Variants in ELP4 observed in about 807,000 individuals in gnomAD.
ELP4 encodes elongator complex protein 4.
In ELP4, 51 loss-of-function variants were observed where a neutral mutation model predicts 48.9. The observed-to-expected ratio is 1.04, with a 90% CI of 0.83 to 1.32. The LOEUF (loss-of-function observed/expected upper bound fraction) is 1.32, where lower values mean the gene tolerates loss of function less well. Ranked by LOEUF, ELP4 falls within the 40% of genes most tolerant of loss-of-function variation. ELP4 has a pLI of 0.00. For synonymous variants in ELP4, 210 were observed against 189.2 expected (o/e 1.11, Z -0.90); for missense variants, 519 against 514.6 (o/e 1.01, Z -0.08).
chr11:31,560,559 G>A (rs1208708192), intron 3 of ELP4, among the ~76,000 whole-genome samples: 2 of 151,234 alleles, frequency 1.3e-5, no homozygotes, highest in Non-Finnish European at 3.0e-5. Context: ...ATTTACTAAA[G>A]GGCATTACTA....
At chr11:31,526,973 A>G (rs1956305094) in intron 2 of ELP4, among the ~76,000 whole-genome samples, 1 of 151,886 alleles carries the variant, frequency 6.6e-6, no homozygotes, top group Non-Finnish European at 1.5e-5. Context: ...CTGTACTTAC[A>G]TGTTTTATAA....
intron 9 of ELP4, among the ~76,000 whole-genome samples, chr11:31,693,421 G>A (rs1201716844): frequency 6.6e-6 from 1 of 151,266 alleles, no homozygotes; most frequent in Non-Finnish European, 1.5e-5. Flanking sequence ...TTGGTTTTTT[G>A]TCCTTGCAAT....
chr11:31,650,042 T>C, intron 8 of ELP4, 73 bp from the exon 9 acceptor site: 1 of 661,548 alleles, frequency 1.5e-6, no homozygotes, highest in African/African-American at 1.9e-5. Flanking sequence ...AGGATTCTGC[T>C]ATAAGACTGT....
intron 7 of ELP4, among the ~76,000 whole-genome samples, chr11:31,640,706 A>T (rs368789386): frequency 6.6e-6 from 1 of 152,026 alleles, no homozygotes; most frequent in Non-Finnish European, 1.5e-5. Context: ...TAGAATTAAT[A>T]TTTAATTAGA....
At chr11:31,704,567 C>T (rs187022546) in intron 9 of ELP4, among the ~76,000 whole-genome samples, 152 of 151,924 alleles carry the variant, frequency 1.0e-3, no homozygotes, top group African/African-American at 3.6e-3. Context: ...AGCACACCAA[C>T]GTGGCACATG....
At chr11:31,682,684 G>A (rs1946078462) in intron 9 of ELP4, among the ~76,000 whole-genome samples, 2 of 152,008 alleles carry the variant, frequency 1.3e-5, no homozygotes, top group Non-Finnish European at 2.9e-5. Context: ...TACCCATAAA[G>A]AGCTCATAGT....
chr11:31,604,826 T>TAG (rs1445917154), intron 5 of ELP4, among the ~76,000 whole-genome samples: 2 of 151,926 alleles, frequency 1.3e-5, no homozygotes, highest in African/African-American at 4.8e-5. Flanking sequence ...AATCTATGGA[T>TAG]AGAGACTTAG....
At chr11:31,527,509 G>A (rs1956316327) in intron 2 of ELP4, among the ~76,000 whole-genome samples, 1 of 152,000 alleles carries the variant, frequency 6.6e-6, no homozygotes, top group Admixed American at 6.6e-5. Flanking sequence ...TATGGACTCT[G>A]GATTATTGAA....
chr11:31,782,563 A>G (rs968413591), intron 9 of ELP4, among the ~76,000 whole-genome samples: 1 of 152,196 alleles, frequency 6.6e-6, no homozygotes, highest in African/African-American at 2.4e-5. Flanking sequence ...TCTTTTGAAA[A>G]CAGAAAAATG....
intron 7 of ELP4, among the ~76,000 whole-genome samples, chr11:31,639,108 A>G (rs971865712): frequency 6.6e-6 from 1 of 151,876 alleles, no homozygotes; most frequent in African/African-American, 2.4e-5. Flanking sequence ...GATCATAGCT[A>G]CAGTTACTAA....
intron 3 of ELP4, 46 bp downstream of exon 3, chr11:31,539,829 A>G (rs752142265): frequency 4.0e-6 from 6 of 1,510,686 alleles, no homozygotes; most frequent in African/African-American, 2.8e-5. Context: ...TGTTTCATGA[A>G]AAAATATTGT....
intron 9 of ELP4, among the ~76,000 whole-genome samples, chr11:31,760,908 G>C (rs1947931724): frequency 6.6e-6 from 1 of 152,152 alleles, no homozygotes; most frequent in Non-Finnish European, 1.5e-5. Flanking sequence ...CAAAAAGTTA[G>C]GCTTAGGATG....
chr11:31,631,611 G>T (rs1172479799), intron 6 of ELP4, among the ~76,000 whole-genome samples: 2 of 152,076 alleles, frequency 1.3e-5, no homozygotes, highest in East Asian at 1.9e-4. Flanking sequence ...GTCACTTATT[G>T]TGACCTTACT....
chr11:31,531,830 G>T (rs991093191), intron 2 of ELP4, among the ~76,000 whole-genome samples: 1 of 152,130 alleles, frequency 6.6e-6, no homozygotes, highest in African/African-American at 2.4e-5. Flanking sequence ...TTGGAGGGAG[G>T]AGTAAGGTTA....
At chr11:31,660,771 C>G (rs1209039196) in intron 9 of ELP4, among the ~76,000 whole-genome samples, 1 of 151,830 alleles carries the variant, frequency 6.6e-6, no homozygotes, top group African/African-American at 2.4e-5. Flanking sequence ...TACAGTCTAT[C>G]TTTTCTGCAT....
intron 3 of ELP4, among the ~76,000 whole-genome samples, chr11:31,593,300 T>C (rs1957617635): frequency 6.6e-6 from 1 of 152,000 alleles, no homozygotes; most frequent in African/African-American, 2.4e-5. Flanking sequence ...TCACCCAGGC[T>C]GGAGTGCAGT....
intron 7 of ELP4, 86 bp from the exon 8 acceptor site, chr11:31,647,655 T>C: frequency 1.2e-6 from 1 of 833,770 alleles, no homozygotes; most frequent in Non-Finnish European, 2.0e-6. Context: ...ACTACAGTTT[T>C]TCATGAGATG....
intron 9 of ELP4, among the ~76,000 whole-genome samples, chr11:31,768,355 C>T (rs1055959422): frequency 3.9e-5 from 6 of 152,178 alleles, no homozygotes; most frequent in African/African-American, 9.6e-5. Flanking sequence ...GCACCTCTAT[C>T]TGTCCATGAA....
rs552497498 is a variant in ELP4 at position 31,748,150 on chromosome 11, G to A, written c.1144-35243G>A. Among the ~76,000 whole-genome samples the A allele has an allele frequency of 7.9e-5, 12 of 151,778 alleles. No homozygotes were observed. In the South Asian group the frequency reaches 2.5e-3, roughly 32 times the overall value. ...TCCTTTTTCTGCAATGGGCAGATTC[G>A]TAGTTATGTTCCCTCACAGTAGTGG... On this transcript the variant is annotated intron_variant, in intron 9 of 9. Transcript: ENST00000640961.
Sources: gnomAD v4.1 joint callset for allele counts (sites outside exome capture counted in the v4.1 genomes callset) on GRCh38, gnomAD v4.1.1 for gene constraint, MANE v1.5 for transcripts, NCBI Gene and HGNC (gene_info 2026-07-23, HGNC 2026-07-21) for gene names.